Variants in CADPS2 observed in about 807,000 individuals in gnomAD.
CADPS2 encodes calcium dependent secretion activator 2.
A neutral mutation model predicts 172.5 loss-of-function variants in CADPS2; 93 were observed. The observed-to-expected ratio is 0.54, with a 90% CI of 0.46 to 0.64. The LOEUF (loss-of-function observed/expected upper bound fraction) is 0.64, where lower values mean the gene tolerates loss of function less well. Ranked by LOEUF, CADPS2 falls within the 30% of genes least tolerant of loss-of-function variation. CADPS2 has a pLI of 0.00. For synonymous variants in CADPS2, 546 were observed against 555.2 expected, an observed-to-expected ratio of 0.98 and a Z score of 0.23; for missense variants, 1,420 against 1,565.9, an observed-to-expected ratio of 0.91 and a Z score of 1.57.
intron 2 of CADPS2, among the ~76,000 whole-genome samples, chr7:122,691,739 C>T (rs1296807915): frequency 3.9e-5 from 6 of 152,194 alleles, no homozygotes; most frequent in Non-Finnish European, 1.5e-5. Flanking sequence ...GTCAGGTCCA[C>T]CACACAGTGG....
chr7:122,856,493 A>G (rs761109475), intron 1 of CADPS2, among the ~76,000 whole-genome samples: 1 of 152,124 alleles, frequency 6.6e-6, no homozygotes, highest in Non-Finnish European at 1.5e-5. Context: ...TACACTACTA[A>G]AATGTCACCA....
At chr7:122,328,394 T>C (rs1344452423) in intron 28 of CADPS2, 1 of 152,166 alleles carries the variant, frequency 6.6e-6, no homozygotes, top group Non-Finnish European at 1.5e-5. Context: ...AAAGTCTCCA[T>C]GTTAGAAAGT....
At position 122,319,081 on chromosome 7, in the gene CADPS2, T is replaced by TA. The variant is rs1485669632; in HGVS notation, c.*1083dup. 3 of 152,196 alleles carry TA rather than the reference T, an allele frequency of 2.0e-5. No homozygotes were observed. Among genetic ancestry groups the TA allele is most frequent in the African/African-American group, 7.2e-5 (3 of 41,454 alleles). The allele number at this position is 152,196 out of a possible 1,614,324, so 9.4% of individuals were successfully genotyped here. On this transcript the variant is annotated 3_prime_UTR_variant, in exon 30 of 30. Coordinates refer to ENST00000449022, the MANE Select transcript of CADPS2 (RefSeq NM_017954.11). ...ACCACTAATAATGTGAATTACTAGT[T>TA]AATATTACTAACATTACTAATTATT... is the stretch of plus-strand genomic sequence containing the variant.
At chr7:122,854,915 T>C (rs1814745055) in intron 1 of CADPS2, among the ~76,000 whole-genome samples, 1 of 152,226 alleles carries the variant, frequency 6.6e-6, no homozygotes, top group East Asian at 1.9e-4. Flanking sequence ...AGGACATCAC[T>C]ATATTTGTGT....
At chr7:122,697,607 T>C (rs1340670207) in intron 2 of CADPS2, 8 of 536,608 alleles carry the variant, frequency 1.5e-5, no homozygotes, top group Non-Finnish European at 2.6e-5. Flanking sequence ...GGTCCAAAAT[T>C]GCACAAAAAA....
intron 14 of CADPS2, among the ~76,000 whole-genome samples, chr7:122,457,566 A>G (rs1324635725): frequency 6.6e-6 from 1 of 152,184 alleles, no homozygotes; most frequent in Non-Finnish European, 1.5e-5. Context: ...CAATCACAGC[A>G]TATGAAGGGG....
intron 9 of CADPS2, among the ~76,000 whole-genome samples, chr7:122,510,072 TA>T (rs1453157232): frequency 1.3e-5 from 2 of 152,148 alleles, no homozygotes; most frequent in Non-Finnish European, 2.9e-5. Flanking sequence ...TATTTTATAA[TA>T]ATGAACTACA....
chr7:122,818,019 C>T (rs1349514929), intron 1 of CADPS2, among the ~76,000 whole-genome samples: 2 of 150,648 alleles, frequency 1.3e-5, no homozygotes, highest in African/African-American at 4.9e-5. Flanking sequence ...CACCCCATCC[C>T]TTATTTCTGT....
intron 1 of CADPS2, among the ~76,000 whole-genome samples, chr7:122,843,759 A>C (rs751837510): frequency 6.6e-6 from 1 of 152,186 alleles, no homozygotes; most frequent in Non-Finnish European, 1.5e-5. Context: ...ACTAATGAAG[A>C]GATGGTAAAG....
At chr7:122,533,836 C>G (rs1019562054) in intron 8 of CADPS2, among the ~76,000 whole-genome samples, 2 of 152,242 alleles carry the variant, frequency 1.3e-5, no homozygotes, top group African/African-American at 4.8e-5. Context: ...AAATTCTAAT[C>G]AGTGTATCCA....
chr7:122,341,391 T>A (rs1025435781), intron 28 of CADPS2, among the ~76,000 whole-genome samples: 2 of 152,164 alleles, frequency 1.3e-5, no homozygotes, highest in East Asian at 1.9e-4. Context: ...AAAAAAAAAA[T>A]TGGTTTAAAA....
At chr7:122,327,162 CT>C (rs2034029957) in intron 28 of CADPS2, among the ~76,000 whole-genome samples, 1 of 152,068 alleles carries the variant, frequency 6.6e-6, no homozygotes, top group Admixed American at 6.6e-5. Flanking sequence ...AAATTCAATA[CT>C]TTAACTGGCA....
At chr7:122,379,301 A>G in intron 25 of CADPS2, 67 bp downstream of exon 25, 2 of 1,001,012 alleles carry the variant, frequency 2.0e-6, no homozygotes, top group Non-Finnish European at 3.0e-6. Context: ...ATATTTAAAA[A>G]CATTAAAAAA....
At chr7:122,361,209 G>A (rs2040078284) in intron 25 of CADPS2, among the ~76,000 whole-genome samples, 196 bp from the exon 26 acceptor site, 1 of 149,916 alleles carries the variant, frequency 6.7e-6, no homozygotes, top group South Asian at 2.1e-4. Context: ...CTTTCCCATG[G>A]CTGGAAATAA....
chr7:122,762,022 A>C lies in CADPS2; in HGVS notation c.340-24954T>G, dbSNP rs1246976411. ...AAAAAAAAAAAAAAAAAATATATAT[A>C]TATATATACACACACACACACACAC... is the stretch of plus-strand genomic sequence containing the variant. On this transcript the variant is annotated intron_variant, in intron 1 of 29. Transcript: ENST00000449022. Among the ~76,000 whole-genome samples the C allele has an allele frequency of 3.9e-3, 324 of 82,666 alleles. 3 individuals carry two copies. Among genetic ancestry groups the C allele is most frequent in the Admixed American group, 0.03 (212 of 6,970 alleles). The allele number at this position is 82,666 out of a possible 152,430, so 54.2% of individuals were successfully genotyped here.
At chr7:122,461,715 C>T (rs1004901893) in intron 14 of CADPS2, among the ~76,000 whole-genome samples, 3 of 152,200 alleles carry the variant, frequency 2.0e-5, no homozygotes, top group Non-Finnish European at 4.4e-5. Context: ...CTGCCTCAGC[C>T]TCCCAAGTAG....
At position 122,567,890 on chromosome 7, in the gene CADPS2, G is replaced by A. The variant is rs537580710; in HGVS notation, c.1336-13201C>T. The stretch of plus-strand genomic sequence containing the variant: ...GCAGAAGAGGAGAAACGGGATAACA[G>A]AAGAGAAAGAAAAAACATCTAAATG... On this transcript the variant is annotated intron_variant, in intron 7 of 29. Coordinates refer to ENST00000449022, the MANE Select transcript of CADPS2 (RefSeq NM_017954.11). 2.6e-5 allele frequency among the ~76,000 whole-genome samples: 4 copies of A among 151,994 alleles called. No individual in the cohort carries two copies. The South Asian group carries it at 8.3e-4, about 32-fold the overall frequency.
chr7:122,445,014 T>C (rs902097899), intron 15 of CADPS2, among the ~76,000 whole-genome samples: 4 of 152,188 alleles, frequency 2.6e-5, no homozygotes, highest in Non-Finnish European at 5.9e-5. Context: ...GAAAAAAGTA[T>C]ACTTTGCAAA....
chr7:122,345,768 T>C (rs2150981940), intron 27 of CADPS2, 87 bp from the exon 28 acceptor site: 1 of 883,160 alleles, frequency 1.1e-6, no homozygotes, highest in Non-Finnish European at 1.8e-6. Context: ...AAAAATAATT[T>C]TGAAAATTAC....
Sources: gnomAD v4.1 joint callset for allele counts (sites outside exome capture counted in the v4.1 genomes callset) on GRCh38, gnomAD v4.1.1 for gene constraint, MANE v1.5 for transcripts, NCBI Gene and HGNC (gene_info 2026-07-23, HGNC 2026-07-21) for gene names.